Variants in ADCY8 observed in about 807,000 individuals in gnomAD.
The protein encoded by ADCY8 is adenylate cyclase type 8.
ADCY8 carries 51 observed loss-of-function variants against 119.7 expected under a neutral mutation model. That is an observed-to-expected ratio of 0.43 (90% CI 0.34 to 0.54). The LOEUF is 0.54. Among genes scored for constraint, ADCY8 ranks in the 20% least tolerant of loss-of-function variants. The pLI is 0.03. For synonymous variants in ADCY8, 665 were observed against 651.0 expected (o/e 1.02, Z -0.33); for missense variants, 1,383 against 1,598.8 (o/e 0.87, Z 2.30).
chr8:130,862,428 G>GT (rs1016960852), intron 9 of ADCY8, among the ~76,000 whole-genome samples: 1 of 151,760 alleles, frequency 6.6e-6, no homozygotes. Context: ...GTTTTGTTTT[G>GT]TTTTTTTAGA....
intron 2 of ADCY8, among the ~76,000 whole-genome samples, chr8:130,967,592 A>G (rs1821799025): frequency 6.6e-6 from 1 of 152,200 alleles, no homozygotes; most frequent in Non-Finnish European, 1.5e-5. Flanking sequence ...CCCAGTGCTC[A>G]ACTCACAGGC....
At chr8:130,827,042 T>C (rs775385178) in intron 12 of ADCY8, among the ~76,000 whole-genome samples, 3 of 152,156 alleles carry the variant, frequency 2.0e-5, no homozygotes, top group Non-Finnish European at 2.9e-5. Context: ...TGTGCACATG[T>C]ACCCCAGAAC....
intron 5 of ADCY8, among the ~76,000 whole-genome samples, chr8:130,919,337 A>G (rs770404885): frequency 2.0e-5 from 3 of 152,042 alleles, no homozygotes; most frequent in African/African-American, 4.8e-5. Flanking sequence ...CACATGATGT[A>G]TGTTGTGATG....
chr8:131,025,399 G>T (rs992880411), intron 1 of ADCY8, among the ~76,000 whole-genome samples: 2 of 152,098 alleles, frequency 1.3e-5, no homozygotes, highest in Non-Finnish European at 2.9e-5. Context: ...AAAGGGAAAT[G>T]CTGTAACAAC....
intron 1 of ADCY8, among the ~76,000 whole-genome samples, chr8:131,027,219 A>G (rs969341543): frequency 3.3e-5 from 5 of 152,202 alleles, no homozygotes; most frequent in Non-Finnish European, 5.9e-5. Flanking sequence ...ACAATTCTCC[A>G]TTTAAACACA....
chr8:130,896,209 T>A (rs965890430), intron 7 of ADCY8, among the ~76,000 whole-genome samples: 1 of 152,162 alleles, frequency 6.6e-6, no homozygotes, highest in African/African-American at 2.4e-5. Context: ...CCTGCTGACC[T>A]CTTAGTAGCA....
At chr8:130,891,424 T>C (rs1436425185) in intron 7 of ADCY8, among the ~76,000 whole-genome samples, 1 of 152,190 alleles carries the variant, frequency 6.6e-6, no homozygotes, top group Non-Finnish European at 1.5e-5. Flanking sequence ...GTTCTTTTTT[T>C]GACAGATTAT....
chr8:130,941,590 G>T (rs1255859432), intron 4 of ADCY8, among the ~76,000 whole-genome samples: 1 of 152,080 alleles, frequency 6.6e-6, no homozygotes, highest in African/African-American at 2.4e-5. Context: ...TTTTCCCCCA[G>T]TCCCTAGCCC....
In ADCY8 at chr8:130,970,407, T is replaced by G. The variant is rs544263852; in HGVS notation, c.1111-18409A>C. ...CTTCTTATGGGAATGTAATGCCTGATGATTTATCACTGTCTCTCATCACCC... is the reference window on the plus strand; with the variant it reads ...CTTCTTATGGGAATGTAATGCCTGAGGATTTATCACTGTCTCTCATCACCC... On this transcript the variant is annotated intron_variant, in intron 2 of 17. Coordinates refer to ENST00000286355, the MANE Select transcript of ADCY8 (RefSeq NM_001115.3). 3.3e-5 allele frequency among the ~76,000 whole-genome samples: 5 copies of G among 152,322 alleles called. No individual in the cohort carries two copies. In the South Asian group the frequency reaches 1.0e-3, roughly 32 times the overall value.
chr8:130,872,919 G>A (rs1818418705), intron 8 of ADCY8, among the ~76,000 whole-genome samples: 1 of 152,208 alleles, frequency 6.6e-6, no homozygotes, highest in Non-Finnish European at 1.5e-5. Context: ...CATGTCTGGG[G>A]ATTCTGGCCC....
At chr8:130,909,931 C>CT in intron 5 of ADCY8, 65 bp from the exon 6 acceptor site, 1 of 1,312,746 alleles carries the variant, frequency 7.6e-7, no homozygotes, top group Non-Finnish European at 1.0e-6. Context: ...TGGCTCTGCA[C>CT]TTTCTTTTCT....
At chr8:130,879,982 C>A (rs891474994) in intron 8 of ADCY8, among the ~76,000 whole-genome samples, 1 of 152,072 alleles carries the variant, frequency 6.6e-6, no homozygotes, top group Non-Finnish European at 1.5e-5. Context: ...ATGCGATTCT[C>A]GTGATAGTGA....
chr8:131,022,944 A>T (rs1156628642), intron 1 of ADCY8, among the ~76,000 whole-genome samples: 3 of 152,174 alleles, frequency 2.0e-5, no homozygotes, highest in African/African-American at 7.2e-5. Context: ...ACCACTCAGC[A>T]TGTACAGGGT....
chr8:130,995,853 T>A (rs1822756803), intron 1 of ADCY8, among the ~76,000 whole-genome samples: 1 of 152,164 alleles, frequency 6.6e-6, no homozygotes, highest in Admixed American at 6.5e-5. Flanking sequence ...GATGCCTATC[T>A]GCCGCACTGG....
rs528326580 is a variant in ADCY8 at position 130,815,049 on chromosome 8, A to G, written c.2755-822T>C. 2.3e-4 allele frequency among the ~76,000 whole-genome samples: 35 copies of G among 152,284 alleles called. 1 individual carries two copies. Among genetic ancestry groups the G allele is most frequent in the South Asian group, 1.2e-3 (6 of 4,818 alleles). On this transcript the variant is annotated intron_variant, in intron 13 of 17. Coordinates refer to ENST00000286355, the MANE Select transcript of ADCY8 (RefSeq NM_001115.3). ...AGGGTTGATGAGGTCATGCTGGTGT[A>G]TCCCTCAGGATGAGATTACTGCCCT...
intron 9 of ADCY8, among the ~76,000 whole-genome samples, chr8:130,863,440 C>A (rs1484704912): frequency 1.3e-5 from 2 of 150,280 alleles, no homozygotes; most frequent in Non-Finnish European, 3.0e-5. Flanking sequence ...TAATTGGTAT[C>A]TTGAGACCAT....
chr8:130,867,585 T>C (rs919528618), intron 9 of ADCY8, among the ~76,000 whole-genome samples: 10 of 152,224 alleles, frequency 6.6e-5, no homozygotes, highest in African/African-American at 2.4e-4. Flanking sequence ...ATGAGTGTCA[T>C]GTCAAATAAG....
At chr8:130,973,715 C>T (rs2130709813) in intron 2 of ADCY8, among the ~76,000 whole-genome samples, 1 of 152,294 alleles carries the variant, frequency 6.6e-6, no homozygotes, top group Non-Finnish European at 1.5e-5. Context: ...GTTGATTAGG[C>T]TACATGACTA....
At chr8:130,913,779 A>T (rs1413927918) in intron 5 of ADCY8, among the ~76,000 whole-genome samples, 1 of 152,232 alleles carries the variant, frequency 6.6e-6, no homozygotes, top group Non-Finnish European at 1.5e-5. Context: ...TGGCACAATC[A>T]TGAGTCCCAA....
Sources: gnomAD v4.1 joint callset for allele counts (sites outside exome capture counted in the v4.1 genomes callset) on GRCh38, gnomAD v4.1.1 for gene constraint, MANE v1.5 for transcripts, NCBI Gene and HGNC (gene_info 2026-07-23, HGNC 2026-07-21) for gene names.